ARHGAP28: variants seen among roughly 807,000 people sequenced by gnomAD.
The protein encoded by ARHGAP28 is Rho GTPase activating protein 28.
A neutral mutation model predicts 90.7 loss-of-function variants in ARHGAP28; 56 were observed. The ratio of observed to expected loss-of-function variants is 0.62; its 90% CI spans 0.50 to 0.77. The LOEUF is 0.77. Among genes scored for constraint, ARHGAP28 ranks in the 30% least tolerant of loss-of-function variants. The pLI is 0.00. For synonymous variants in ARHGAP28, 308 were observed against 323.3 expected, an observed-to-expected ratio of 0.95 and a Z score of 0.51; for missense variants, 869 against 900.9, an observed-to-expected ratio of 0.96 and a Z score of 0.45.
chr18:6,753,323 A>G (rs891651242), intron 1 of ARHGAP28, among the ~76,000 whole-genome samples: 1 of 152,242 alleles, frequency 6.6e-6, no homozygotes, highest in African/African-American at 2.4e-5. Flanking sequence ...AAATTTCTTC[A>G]AATTAGTCTT....
intron 1 of ARHGAP28, among the ~76,000 whole-genome samples, chr18:6,755,690 CAGGTATAACCT>C (rs2056103538): frequency 6.6e-6 from 1 of 152,128 alleles, no homozygotes; most frequent in African/African-American, 2.4e-5. Flanking sequence ...GCCTGGACAG[CAGGTATAACCT>C]GGGGTTTTCT....
At chr18:6,811,147 G>C (rs1188133470) in intron 1 of ARHGAP28, among the ~76,000 whole-genome samples, 2 of 152,150 alleles carry the variant, frequency 1.3e-5, no homozygotes, top group Non-Finnish European at 2.9e-5. Context: ...GATTGTAAAA[G>C]TATCTACAGT....
At chr18:6,800,530 TA>T (rs1332683778) in intron 1 of ARHGAP28, among the ~76,000 whole-genome samples, 2 of 152,040 alleles carry the variant, frequency 1.3e-5, no homozygotes, top group Admixed American at 6.6e-5. Flanking sequence ...TATGCAGCCA[TA>T]AAAAAGGATG....
intron 3 of ARHGAP28, among the ~76,000 whole-genome samples, chr18:6,844,466 T>G (rs545699327): frequency 6.6e-6 from 1 of 152,300 alleles, no homozygotes; most frequent in South Asian, 2.1e-4. Context: ...GTGCTCAGTA[T>G]GGGTTGATAA....
chr18:6,883,441 G>C (rs530027922), intron 11 of ARHGAP28, among the ~76,000 whole-genome samples: 1 of 152,148 alleles, frequency 6.6e-6, no homozygotes, highest in East Asian at 1.9e-4. Flanking sequence ...GTTTCGCCAT[G>C]TTGGCCAGGC....
chr18:6,860,374 G>A (rs542133471), intron 5 of ARHGAP28, among the ~76,000 whole-genome samples: 3 of 152,092 alleles, frequency 2.0e-5, no homozygotes, highest in Admixed American at 2.0e-4. Flanking sequence ...CATTCACTTG[G>A]TCTTAAGTAA....
chr18:6,748,998 G>A (rs1278608468), intron 1 of ARHGAP28, among the ~76,000 whole-genome samples: 1 of 152,142 alleles, frequency 6.6e-6, no homozygotes, highest in Non-Finnish European at 1.5e-5. Context: ...CATGCAATAT[G>A]TTTATGCATA....
chr18:6,812,197 A>G (rs1272988136), intron 1 of ARHGAP28, among the ~76,000 whole-genome samples: 3 of 152,218 alleles, frequency 2.0e-5, no homozygotes, highest in Non-Finnish European at 4.4e-5. Context: ...GGTAAGCAGA[A>G]TATGGGTAAT....
chr18:6,842,554 T>C (rs2056835431), intron 3 of ARHGAP28, among the ~76,000 whole-genome samples: 1 of 152,258 alleles, frequency 6.6e-6, no homozygotes, highest in Admixed American at 6.5e-5. Context: ...TTGAATTTTC[T>C]GCTCCCTTCA....
intron 7 of ARHGAP28, 120 bp downstream of exon 7, chr18:6,870,852 G>T: frequency 4.7e-6 from 5 of 1,068,082 alleles, no homozygotes; most frequent in Non-Finnish European, 6.6e-6. Flanking sequence ...CCAGGCTGGA[G>T]TGCAGTGGCG....
At chr18:6,863,868 C>G (rs949297814) in intron 5 of ARHGAP28, among the ~76,000 whole-genome samples, 4 of 149,362 alleles carry the variant, frequency 2.7e-5, no homozygotes, top group Non-Finnish European at 4.5e-5. Context: ...CTGCAACCTC[C>G]ACTTCCTGGG....
At chr18:6,870,962 G>A (rs776184577) in intron 7 of ARHGAP28, among the ~76,000 whole-genome samples, 16 of 152,172 alleles carry the variant, frequency 1.1e-4, no homozygotes, top group Middle Eastern at 3.4e-3. Context: ...CAACTTGCCC[G>A]GCTAATTTTT....
chr18:6,777,833 TG>T (rs2056296903), intron 1 of ARHGAP28, among the ~76,000 whole-genome samples: 2 of 152,056 alleles, frequency 1.3e-5, no homozygotes, highest in Admixed American at 1.3e-4. Flanking sequence ...GGGGAGAGGC[TG>T]GGGCTGCTTC....
At chr18:6,899,856 C>T (rs2057329072) in intron 16 of ARHGAP28, among the ~76,000 whole-genome samples, 1 of 152,034 alleles carries the variant, frequency 6.6e-6, no homozygotes, top group Non-Finnish European at 1.5e-5. Flanking sequence ...CTTACTAGTA[C>T]CAGTAAGCCC....
intron 17 of ARHGAP28, 115 bp downstream of exon 17, chr18:6,909,139 A>C (rs1409720045): frequency 1.5e-6 from 1 of 646,010 alleles, no homozygotes; most frequent in Non-Finnish European, 2.7e-6. Flanking sequence ...ACTAAAAATC[A>C]GTAGGTTTCT....
chr18:6,861,096 T>A (rs2056994551), intron 5 of ARHGAP28, among the ~76,000 whole-genome samples: 2 of 152,186 alleles, frequency 1.3e-5, no homozygotes, highest in African/African-American at 4.8e-5. Flanking sequence ...CTGCAGTAGA[T>A]CTTACACAGT....
At chr18:6,854,819 C>T (rs1187524632) in intron 4 of ARHGAP28, among the ~76,000 whole-genome samples, 1 of 152,160 alleles carries the variant, frequency 6.6e-6, no homozygotes, top group African/African-American at 2.4e-5. Flanking sequence ...GCCTGGGAAA[C>T]CCCTCCTCCC....
At chr18:6,871,332 A>G (rs2057087745) in intron 7 of ARHGAP28, among the ~76,000 whole-genome samples, 1 of 152,162 alleles carries the variant, frequency 6.6e-6, no homozygotes, top group African/African-American at 2.4e-5. Flanking sequence ...TGCACTTTAT[A>G]TTCTTACTTT....
At chr18:6,906,267 G>T (rs1466257002) in intron 16 of ARHGAP28, among the ~76,000 whole-genome samples, 1 of 152,236 alleles carries the variant, frequency 6.6e-6, no homozygotes, top group Non-Finnish European at 1.5e-5. Context: ...ATTTTTAAAA[G>T]ATTTTTATTG....
Sources: gnomAD v4.1 joint callset for allele counts (sites outside exome capture counted in the v4.1 genomes callset) on GRCh38, gnomAD v4.1.1 for gene constraint, MANE v1.5 for transcripts, NCBI Gene and HGNC (gene_info 2026-07-23, HGNC 2026-07-21) for gene names.